Variants in RASGRP3 observed in about 807,000 individuals in gnomAD.
RASGRP3 encodes the protein RAS guanyl releasing protein 3, also known as ras guanyl-releasing protein 3.
In RASGRP3, 54 loss-of-function variants were observed where a neutral mutation model predicts 82.7. That is an observed-to-expected ratio of 0.65 (90% CI 0.52 to 0.82). The LOEUF is 0.82. Ranked by LOEUF, RASGRP3 falls within the 40% of genes least tolerant of loss-of-function variation. The pLI is 0.00. For synonymous variants in RASGRP3, 309 were observed against 300.5 expected (o/e 1.03, Z -0.29); for missense variants, 861 against 828.9 (o/e 1.04, Z -0.48).
chr2:33,473,800 A>G (rs1045930994), upstream of RASGRP3, among the ~76,000 whole-genome samples: 1 of 152,152 alleles, frequency 6.6e-6, no homozygotes, highest in Non-Finnish European at 1.5e-5. Flanking sequence ...AGAACTAGAA[A>G]AGAACCTCTA....
At chr2:33,546,216 G>T (rs1219150701) in intron 13 of RASGRP3, among the ~76,000 whole-genome samples, 1 of 151,808 alleles carries the variant, frequency 6.6e-6, no homozygotes, top group Non-Finnish European at 1.5e-5. Flanking sequence ...GATGTCAGGA[G>T]ATCAAGACCA....
At chr2:33,507,323 G>A (rs1278146256) in intron 1 of RASGRP3, among the ~76,000 whole-genome samples, 5 of 152,146 alleles carry the variant, frequency 3.3e-5, no homozygotes, top group Admixed American at 6.5e-5. Context: ...TGAAAGTGGG[G>A]GGCAGAGGTT....
intron 2 of RASGRP3, among the ~76,000 whole-genome samples, chr2:33,471,054 A>G (rs1319268755): frequency 1.3e-5 from 2 of 152,144 alleles, no homozygotes; most frequent in Non-Finnish European, 2.9e-5. Context: ...GTATTTTACC[A>G]TTAAGTATGA....
chr2:33,459,356 G>C (rs1666224820), intron 2 of RASGRP3, among the ~76,000 whole-genome samples: 1 of 152,028 alleles, frequency 6.6e-6, no homozygotes, highest in Non-Finnish European at 1.5e-5. Flanking sequence ...GGATGGTCTC[G>C]ATCTCCTGAC....
intron 9 of RASGRP3, among the ~76,000 whole-genome samples, chr2:33,526,243 T>C (rs1439176932): frequency 1.3e-5 from 2 of 152,182 alleles, no homozygotes; most frequent in Non-Finnish European, 2.9e-5. Context: ...CATTCCTGGT[T>C]CTGGAAATGG....
chr2:33,516,633 ACTT>A lies in RASGRP3; in HGVS notation c.165_167del (p.Leu56del). 1 of 1,550,606 alleles carries A rather than the reference ACTT, an allele frequency of 6.4e-7. No homozygotes were observed. Among genetic ancestry groups the A allele is most frequent in the Non-Finnish European group, 8.8e-7 (1 of 1,131,174 alleles). On this transcript the variant is annotated inframe_deletion, in exon 4 of 18. Transcript: ENST00000403687. Reference sequence around the variant, plus strand: ...TATCTTCCACTGAATTGGCAGAAAAACTTCTCTGCATATATCTTTTCAACTACT... The same window carrying A: ...TATCTTCCACTGAATTGGCAGAAAAACTCTGCATATATCTTTTCAACTACT...
chr2:33,561,754 A>G (rs1406448739), intron 17 of RASGRP3, among the ~76,000 whole-genome samples: 1 of 152,262 alleles, frequency 6.6e-6, no homozygotes, highest in East Asian at 1.9e-4. Flanking sequence ...TGTGTTTGTA[A>G]TCTGTGTATT....
intron 9 of RASGRP3, among the ~76,000 whole-genome samples, chr2:33,526,269 G>C (rs1672558135): frequency 6.6e-6 from 1 of 152,214 alleles, no homozygotes; most frequent in Non-Finnish European, 1.5e-5. Context: ...GACTCTGTCT[G>C]AGTCACAAGG....
chr2:33,463,026 C>T (rs1327293192), intron 2 of RASGRP3, among the ~76,000 whole-genome samples: 1 of 152,112 alleles, frequency 6.6e-6, no homozygotes, highest in Non-Finnish European at 1.5e-5. Context: ...TCAACAGTGG[C>T]ATTTCAGAAG....
chr2:33,514,053 T>A (rs1043550772), intron 2 of RASGRP3: 1 of 152,216 alleles, frequency 6.6e-6, no homozygotes, highest in Admixed American at 6.5e-5. Flanking sequence ...TCCCATCACC[T>A]CATCTGTAAA....
intron 1 of RASGRP3, among the ~76,000 whole-genome samples, chr2:33,485,846 T>C (rs558010716): frequency 3.3e-4 from 51 of 152,368 alleles, no homozygotes; most frequent in Middle Eastern, 3.4e-3. Flanking sequence ...GGATTTATTA[T>C]GTAAGAATTG....
At chr2:33,448,436 GATA>G (rs139225762) in intron 2 of RASGRP3, among the ~76,000 whole-genome samples, 2,891 of 152,190 alleles carry the variant, frequency 0.019, 68 homozygotes, top group Middle Eastern at 0.034. Flanking sequence ...CAGATGAAGA[GATA>G]AACAAAATGT....
At chr2:33,442,689 C>T (rs143878263) in intron 1 of RASGRP3, among the ~76,000 whole-genome samples, 165 of 152,332 alleles carry the variant, frequency 1.1e-3, no homozygotes, top group Non-Finnish European at 2.1e-3. Flanking sequence ...CAAAGACATG[C>T]ACTTTTTTCA....
intron 1 of RASGRP3, among the ~76,000 whole-genome samples, chr2:33,499,744 C>A: frequency 6.7e-6 from 1 of 148,168 alleles, no homozygotes; most frequent in South Asian, 2.1e-4. Context: ...AATTACATGC[C>A]CCATTAAAAT....
chr2:33,540,767 G>A (rs1203524246), intron 12 of RASGRP3, among the ~76,000 whole-genome samples: 3 of 144,972 alleles, frequency 2.1e-5, no homozygotes, highest in African/African-American at 7.4e-5. Flanking sequence ...TCTACTCGTG[G>A]TATAAATATG....
Position 33,509,078 on chromosome 2 carries a change from G to A in RASGRP3, c.-260-2632G>A, listed in dbSNP as rs973437135. 2.6e-5 allele frequency among the ~76,000 whole-genome samples: 4 copies of A among 152,246 alleles called. No homozygotes were observed. In the South Asian group the frequency reaches 8.3e-4, roughly 32 times the overall value. ...TAGGTTTGCTTGATATGGTGAAGAGGACGTTAAGATACCATTGGAAATGAA... is the reference window on the plus strand; with the variant it reads ...TAGGTTTGCTTGATATGGTGAAGAGAACGTTAAGATACCATTGGAAATGAA... On this transcript the variant is annotated intron_variant, in intron 1 of 17. Transcript: ENST00000403687.
intron 1 of RASGRP3, among the ~76,000 whole-genome samples, chr2:33,495,044 A>G (rs1669185367): frequency 6.6e-6 from 1 of 152,224 alleles, no homozygotes; most frequent in South Asian, 2.1e-4. Context: ...AAGCATAGTA[A>G]CTGTCTTGTC....
intron 9 of RASGRP3, among the ~76,000 whole-genome samples, chr2:33,525,688 T>A (rs1672474994): frequency 9.4e-6 from 1 of 106,082 alleles, no homozygotes; most frequent in African/African-American, 3.9e-5. Context: ...CATAGCTAGA[T>A]CCTGTCTCTA....
At chr2:33,486,437 G>A (rs996669971) in intron 1 of RASGRP3, among the ~76,000 whole-genome samples, 1 of 151,998 alleles carries the variant, frequency 6.6e-6, no homozygotes, top group African/African-American at 2.4e-5. Context: ...CAAAGTGTTG[G>A]GATTACAGCT....
Sources: allele counts gnomAD v4.1 joint callset (sites outside exome capture counted in the v4.1 genomes callset), GRCh38; gene constraint gnomAD v4.1.1; transcripts MANE v1.5; gene names NCBI Gene and HGNC (gene_info 2026-07-23, HGNC 2026-07-21).